The following MYL12B variants were observed in gnomAD, a reference collection of about 807,000 sequenced individuals.
MYL12B encodes myosin regulatory light chain 12B.
Under a neutral mutation model 12.9 loss-of-function variants are expected in MYL12B, and 3 were observed. That is an observed-to-expected ratio of 0.23 (90% CI 0.11 to 0.60). MYL12B has a LOEUF of 0.60. Among genes scored for constraint, MYL12B ranks in the 20% least tolerant of loss-of-function variants. MYL12B has a pLI of 0.89. For synonymous variants in MYL12B, 57 were observed against 71.9 expected (o/e 0.79, Z 1.05); for missense variants, 120 against 215.4 (o/e 0.56, Z 2.77).
At position 3,278,427 on chromosome 18, in the gene MYL12B, T is replaced by C. The variant is rs956549132; in HGVS notation, c.*490T>C. 2.0e-5 allele frequency: 3 copies of C among 146,784 alleles called. No homozygotes were observed. Among genetic ancestry groups the C allele is most frequent in the African/African-American group, 7.7e-5 (3 of 38,990 alleles). The allele number at this position is 146,784 out of a possible 1,614,324, so 9.1% of individuals were successfully genotyped here. On this transcript the variant is annotated 3_prime_UTR_variant, in exon 4 of 4. Coordinates refer to ENST00000237500, the MANE Select transcript of MYL12B (RefSeq NM_033546.4). ...CAGAACTTTTAAGTACCCTTTAACA[T>C]TATTATGCAGTAAAAACTAGTTATG... is the stretch of plus-strand genomic sequence containing the variant.
chr18:3,267,339 A>G (rs1422112655), intron 1 of MYL12B, among the ~76,000 whole-genome samples: 1 of 152,234 alleles, frequency 6.6e-6, no homozygotes, highest in Non-Finnish European at 1.5e-5. Context: ...AGCTGACAGA[A>G]TGTGCTCTGT....
intron 3 of MYL12B, 80 bp from the exon 4 acceptor site, chr18:3,277,685 C>A: frequency 6.8e-7 from 1 of 1,469,580 alleles, no homozygotes; most frequent in Admixed American, 2.6e-5. Context: ...ATATTTTATA[C>A]GATTGACAAG....
chr18:3,271,007 G>A (rs780400725), intron 1 of MYL12B, among the ~76,000 whole-genome samples: 2 of 152,058 alleles, frequency 1.3e-5, no homozygotes, highest in Non-Finnish European at 2.9e-5. Context: ...TAACTCTTTT[G>A]GAACTTTTTC....
chr18:3,266,026 TA>T (rs2081631620), intron 1 of MYL12B, among the ~76,000 whole-genome samples: 1 of 152,188 alleles, frequency 6.6e-6, no homozygotes, highest in Admixed American at 6.5e-5. Context: ...ATTTTAACAT[TA>T]AAGAGGTCAA....
In MYL12B at chr18:3,277,256, A is replaced by G; in HGVS notation, c.188A>G (p.Lys63Arg). The change falls in exon 3 of 4, where the codon AAG (lysine) becomes AGG (arginine). Residue 63 changes from lysine to arginine, a missense_variant. Physicochemically the swap from Lys to Arg is conservative, Grantham distance 26. Coordinates refer to ENST00000237500, the MANE Select transcript of MYL12B (RefSeq NM_033546.4). ...DLHDMLASLG[K>R]NPTDAYLDAM... ...GTTAAAATGTGTATTCTTACAGGGA[A>G]GAATCCCACTGATGCATACCTTGAT... 1 of 1,582,038 alleles carries G rather than the reference A, an allele frequency of 6.3e-7. No homozygotes were observed. The highest frequency in any genetic ancestry group is 8.6e-7 in the Non-Finnish European group (1 of 1,164,968).
At chr18:3,263,959 A>T (rs568172083) in intron 1 of MYL12B, among the ~76,000 whole-genome samples, 2 of 152,340 alleles carry the variant, frequency 1.3e-5, no homozygotes, top group Admixed American at 1.3e-4. Context: ...ATCTGAGAGA[A>T]GAGGATGATA....
chr18:3,270,063 C>T (rs2081665239), intron 1 of MYL12B, among the ~76,000 whole-genome samples: 1 of 152,098 alleles, frequency 6.6e-6, no homozygotes, highest in African/African-American at 2.4e-5. Context: ...CCAGATTTGG[C>T]AATTAAAGCA....
intron 1 of MYL12B, among the ~76,000 whole-genome samples, chr18:3,271,498 C>G (rs1016424357): frequency 6.6e-6 from 1 of 152,222 alleles, no homozygotes; most frequent in African/African-American, 2.4e-5. Flanking sequence ...TCCCCTTGCT[C>G]AGTCATTGAC....
chr18:3,271,846 T>G (rs892195758), intron 1 of MYL12B, among the ~76,000 whole-genome samples: 2 of 151,730 alleles, frequency 1.3e-5, no homozygotes, highest in African/African-American at 2.4e-5. Context: ...TATTGGTGGC[T>G]TTCAGTAGAG....
intron 1 of MYL12B, chr18:3,272,202 C>G (rs2081684821): frequency 1.2e-6 from 1 of 816,060 alleles, no homozygotes; most frequent in South Asian, 6.2e-5. Context: ...CATATGTTAT[C>G]TCAATTAGTT....
chr18:3,264,196 C>T (rs1190149719), intron 1 of MYL12B, among the ~76,000 whole-genome samples: 2 of 152,028 alleles, frequency 1.3e-5, no homozygotes, highest in African/African-American at 4.8e-5. Flanking sequence ...AATTCAGATC[C>T]GGGACCTACC....
At chr18:3,277,659 A>G in intron 3 of MYL12B, 106 bp from the exon 4 acceptor site, 2 of 1,380,550 alleles carry the variant, frequency 1.4e-6, no homozygotes, top group Non-Finnish European at 1.9e-6. Flanking sequence ...TTGTTTATAG[A>G]TATGGATATT....
In MYL12B at chr18:3,278,026, T is replaced by C. The variant is rs1261335544; in HGVS notation, c.*89T>C. On this transcript the variant is annotated 3_prime_UTR_variant, in exon 4 of 4. Coordinates refer to ENST00000237500, the MANE Select transcript of MYL12B (RefSeq NM_033546.4). ...CCCCACCCTCATAGAACCTGTTGCA[T>C]GCAACTTAGTTTCACAGCTTTGCCT... is the stretch of plus-strand genomic sequence containing the variant. 3 of 1,478,468 alleles carry C rather than the reference T, an allele frequency of 2.0e-6. No homozygotes were observed. Among genetic ancestry groups the C allele is most frequent in the Non-Finnish European group, 2.7e-6 (3 of 1,097,400 alleles). The allele number at this position is 1,478,468 out of a possible 1,614,324, so 91.6% of individuals were successfully genotyped here.
chr18:3,275,322 G>C (rs1450910171), intron 2 of MYL12B, among the ~76,000 whole-genome samples: 1 of 152,102 alleles, frequency 6.6e-6, no homozygotes, highest in Non-Finnish European at 1.5e-5. Context: ...ACTGGGAAGG[G>C]CAGGGAGAAG....
intron 1 of MYL12B, among the ~76,000 whole-genome samples, chr18:3,271,654 G>A (rs1456523432): frequency 6.6e-6 from 1 of 152,134 alleles, no homozygotes; most frequent in African/African-American, 2.4e-5. Context: ...CTCACTGAAA[G>A]CTGTTAGGCT....
intron 1 of MYL12B, 113 bp from the exon 2 acceptor site, chr18:3,272,771 A>G (rs1436331759): frequency 2.1e-6 from 2 of 971,130 alleles, no homozygotes; most frequent in Non-Finnish European, 2.9e-6. Flanking sequence ...CAATTGAAGT[A>G]ATAATTCCTT....
chr18:3,273,007 G>A lies in MYL12B; in HGVS notation c.109G>A (p.Ala37Thr), dbSNP rs749915134. The change falls in exon 2 of 4, where the codon GCC (alanine) becomes ACC (threonine). Residue 37 changes from alanine to threonine, a missense_variant. Transcript: ENST00000237500. ...GTCACAGATTCAGGAGTTCAAAGAG[G>A]CCTTCAACATGATTGATCAGAACAG... is the stretch of plus-strand genomic sequence containing the variant. ...DQSQIQEFKEAFNMIDQNRDG... is the reference protein window; with the variant it reads ...DQSQIQEFKETFNMIDQNRDG... 6 of 1,612,988 alleles carry A rather than the reference G, an allele frequency of 3.7e-6. No homozygotes were observed. The highest frequency in any genetic ancestry group is 2.2e-5 in the East Asian group (1 of 44,870).
chr18:3,267,682 AT>A (rs2081644449), intron 1 of MYL12B, among the ~76,000 whole-genome samples: 1 of 152,166 alleles, frequency 6.6e-6, no homozygotes, highest in Admixed American at 6.5e-5. Context: ...ATTACAGTGT[AT>A]TATAATTGTT....
Position 3,277,844 on chromosome 18 carries a change from G to A in MYL12B, c.426G>A (p.Leu142=), listed in dbSNP as rs1049007886. 7 of 1,614,060 alleles carry A rather than the reference G, an allele frequency of 4.3e-6. No homozygotes were observed. Among genetic ancestry groups the A allele is most frequent in the Admixed American group, 1.7e-5 (1 of 60,006 alleles). ...TTACAGATGAGGAAGTGGATGAGCT[G>A]TACAGAGAAGCACCTATTGACAAAA... is the stretch of plus-strand genomic sequence containing the variant. ...DRFTDEEVDE[L]YREAPIDKKG... Residue 142 remains leucine, a synonymous_variant, in exon 4 of 4, where the codon CTG becomes CTA. Coordinates refer to ENST00000237500, the MANE Select transcript of MYL12B (RefSeq NM_033546.4).
Sources: gnomAD v4.1 joint callset for allele counts (sites outside exome capture counted in the v4.1 genomes callset) on GRCh38, gnomAD v4.1.1 for gene constraint, MANE v1.5 for transcripts, NCBI Gene and HGNC (gene_info 2026-07-23, HGNC 2026-07-21) for gene names.